MCTP1: variants seen among roughly 807,000 people sequenced by gnomAD.
MCTP1 encodes multiple C2 and transmembrane domain-containing protein 1.
In MCTP1, 69 loss-of-function variants were observed where a neutral mutation model predicts 120.6. That is an observed-to-expected ratio of 0.57 (90% CI 0.47 to 0.70). MCTP1 has a LOEUF of 0.70. Ranked by LOEUF, MCTP1 falls within the 30% of genes least tolerant of loss-of-function variation. The pLI is 0.00. For synonymous variants in MCTP1, 529 were observed against 493.1 expected (o/e 1.07, Z -0.96); for missense variants, 1,203 against 1,248.8 (o/e 0.96, Z 0.55).
chr5:94,752,606 T>C (rs1420366390), intron 19 of MCTP1, among the ~76,000 whole-genome samples: 1 of 152,156 alleles, frequency 6.6e-6, no homozygotes, highest in Non-Finnish European at 1.5e-5. Context: ...GTTCCTAGGT[T>C]ATTTTGAAAA....
In MCTP1 at chr5:94,873,148, A is replaced by G. The variant is rs767500647; in HGVS notation, c.2027T>C (p.Val676Ala). The G allele has an allele frequency of 1.3e-6, 2 of 1,582,458 alleles. No individual in the cohort carries two copies. The highest frequency in any genetic ancestry group is 1.1e-5 in the South Asian group (1 of 90,360). Residue 676 changes from valine (V) to alanine (A), a missense_variant, in exon 13 of 23, where the codon GTC becomes GCC. This residue lies in a region of MCTP1 where 740 missense variants were observed against 871.1 expected (regional missense o/e 0.85). Coordinates refer to ENST00000515393, the MANE Select transcript of MCTP1 (RefSeq NM_024717.7). ...YKNLNPEWNKVFTFNIKDIHS... is the reference protein window; with the variant it reads ...YKNLNPEWNKAFTFNIKDIHS... ...AGAAATGCCTACTTACAACGTGAAG[A>G]CTTTATTCCACTCAGGATTGAGATT...
intron 1 of MCTP1, among the ~76,000 whole-genome samples, chr5:95,100,196 C>T (rs1053242267): frequency 1.3e-5 from 2 of 151,588 alleles, no homozygotes; most frequent in African/African-American, 2.4e-5. Context: ...GTGGGTGCAG[C>T]GCACCAGCAT....
chr5:95,283,858 G>A lies in MCTP1; in HGVS notation c.718C>T (p.Gln240Ter). The A allele has an allele frequency of 7.3e-7, 1 of 1,368,534 alleles. No homozygotes were observed. 84.8% of individuals were successfully genotyped at this position (1,368,534 alleles called of 1,614,324 possible). ...CCGGCCGCGCCACCGGCACTCACCT[G>A]GCTGCTGCCGTGCTCCTCGCCCGTC... is the stretch of plus-strand genomic sequence containing the variant. ...PETGEEHGSS[Q>*]KIINTAGTSN... The change falls in exon 1 of 23, where the codon CAG becomes TAG. Residue 240 changes from glutamine (Q) to a stop codon, truncating the protein, a stop_gained and splice_region_variant. Transcript: ENST00000515393. LOFTEE classifies it high-confidence loss of function.
At chr5:95,033,730 A>G (rs977770935) in intron 1 of MCTP1, among the ~76,000 whole-genome samples, 17 of 152,048 alleles carry the variant, frequency 1.1e-4, no homozygotes, top group African/African-American at 4.1e-4. Flanking sequence ...GCAATCAGGC[A>G]ACAGAAAGAA....
chr5:95,114,834 G>T (rs1458950274), intron 1 of MCTP1, among the ~76,000 whole-genome samples: 1 of 152,162 alleles, frequency 6.6e-6, no homozygotes, highest in African/African-American at 2.4e-5. Flanking sequence ...ATTACAGTGG[G>T]CTTTAGGCAA....
intron 17 of MCTP1, among the ~76,000 whole-genome samples, chr5:94,814,765 A>T (rs1389971006): frequency 6.6e-6 from 1 of 152,220 alleles, no homozygotes; most frequent in African/African-American, 2.4e-5. Context: ...AGAAAAAAAA[A>T]AGTTAAAAGA....
At chr5:94,794,449 T>G (rs1779603509) in intron 18 of MCTP1, among the ~76,000 whole-genome samples, 2 of 152,152 alleles carry the variant, frequency 1.3e-5, no homozygotes, top group African/African-American at 4.8e-5. Flanking sequence ...CTGGTTACCT[T>G]ACAGGAAGGA....
intron 16 of MCTP1, among the ~76,000 whole-genome samples, chr5:94,870,006 C>T (rs925429370): frequency 6.6e-6 from 1 of 152,108 alleles, no homozygotes; most frequent in Non-Finnish European, 1.5e-5. Flanking sequence ...TCGCTTTACA[C>T]ACACCTGCAT....
rs562117148 is a variant in MCTP1, at chr5:94,862,876, A to G, written c.2436+5457T>C. Among the ~76,000 whole-genome samples the G allele has an allele frequency of 9.2e-5, 14 of 151,948 alleles. No homozygotes were observed. The East Asian group carries it at 2.3e-3, about 25-fold the overall frequency. Reference sequence around the variant, plus strand: ...CATGTCCAGATGAATTGGGTGCACAATCTATTTACTGAAAAGAAAATTGTG... The same window carrying G: ...CATGTCCAGATGAATTGGGTGCACAGTCTATTTACTGAAAAGAAAATTGTG... On this transcript the variant is annotated intron_variant, in intron 17 of 22. Coordinates refer to ENST00000515393, the MANE Select transcript of MCTP1 (RefSeq NM_024717.7).
At chr5:95,063,482 G>A (rs534509980) in intron 1 of MCTP1, among the ~76,000 whole-genome samples, 220 of 152,346 alleles carry the variant, frequency 1.4e-3, no homozygotes, top group African/African-American at 5.1e-3. Flanking sequence ...CGTTAACACA[G>A]AAGCTAATTC....
intron 20 of MCTP1, among the ~76,000 whole-genome samples, chr5:94,713,186 T>TTTAA (rs1162909832): frequency 6.6e-6 from 1 of 152,116 alleles, no homozygotes; most frequent in Non-Finnish European, 1.5e-5. Context: ...GGTAGATGCT[T>TTTAA]TTAATTCCAT....
chr5:94,978,384 A>C (rs1008426867), intron 2 of MCTP1, among the ~76,000 whole-genome samples: 3 of 152,176 alleles, frequency 2.0e-5, no homozygotes, highest in African/African-American at 7.2e-5. Context: ...TCAGGATCTT[A>C]AAGAGAAATA....
At chr5:95,188,953 ATCTC>A (rs1749535640) in intron 1 of MCTP1, among the ~76,000 whole-genome samples, 2 of 152,316 alleles carry the variant, frequency 1.3e-5, no homozygotes, top group Non-Finnish European at 2.9e-5. Flanking sequence ...GATACACGGA[ATCTC>A]TCTGTGTTAT....
chr5:95,144,370 T>C (rs1455007744), intron 1 of MCTP1, among the ~76,000 whole-genome samples: 1 of 152,218 alleles, frequency 6.6e-6, no homozygotes. Flanking sequence ...GCTTACTCTG[T>C]TGATAATTTC....
At chr5:95,144,668 T>C (rs771609943) in intron 1 of MCTP1, among the ~76,000 whole-genome samples, 1 of 152,164 alleles carries the variant, frequency 6.6e-6, no homozygotes, top group African/African-American at 2.4e-5. Context: ...AGGGAATCAT[T>C]TCACCATTGC....
At chr5:95,204,252 T>A (rs1751380548) in intron 1 of MCTP1, among the ~76,000 whole-genome samples, 1 of 152,126 alleles carries the variant, frequency 6.6e-6, no homozygotes, top group Non-Finnish European at 1.5e-5. Flanking sequence ...AGTGGAGACA[T>A]TTAAGCTGGT....
intron 1 of MCTP1, among the ~76,000 whole-genome samples, chr5:95,049,248 C>T (rs1327647909): frequency 4.6e-5 from 7 of 152,016 alleles, no homozygotes; most frequent in Admixed American, 6.6e-5. Flanking sequence ...TCGCACTTCC[C>T]GTTAAATTTT....
At chr5:95,201,809 A>G (rs1222222102) in intron 1 of MCTP1, among the ~76,000 whole-genome samples, 1 of 151,896 alleles carries the variant, frequency 6.6e-6, no homozygotes, top group Non-Finnish European at 1.5e-5. Context: ...CTGGCCAAAA[A>G]AGTTTTTTCT....
chr5:94,844,390 C>A (rs1400630097), intron 17 of MCTP1, among the ~76,000 whole-genome samples: 8 of 149,822 alleles, frequency 5.3e-5, no homozygotes, highest in Non-Finnish European at 1.0e-4. Flanking sequence ...TGGGAACTGA[C>A]AAGGCTTTCC....
Sources: gnomAD v4.1 joint callset for allele counts (sites outside exome capture counted in the v4.1 genomes callset) on GRCh38, gnomAD v4.1.1 for gene constraint, gnomAD v4.1.1 regional missense constraint, MANE v1.5 for transcripts, NCBI Gene and HGNC (gene_info 2026-07-23, HGNC 2026-07-21) for gene names.